Variants in MISFA observed in about 807,000 individuals in gnomAD.
The protein encoded by MISFA is mitochondrial sheath formation-associated protein.
At chr11:18,603,999 T>G in the MISFA span, 1 of 286,250 alleles carries the variant, frequency 3.5e-6, no homozygotes, top group East Asian at 5.2e-5. Flanking sequence ...CGATCTCGGC[T>G]CACTGCAAGC....
the MISFA span, among the ~76,000 whole-genome samples, chr11:18,604,584 G>A: frequency 6.6e-6 from 1 of 151,426 alleles, no homozygotes; most frequent in Non-Finnish European, 1.5e-5. Flanking sequence ...AGCTGAGATC[G>A]GCCACTGCAC....
At chr11:18,603,707 GC>G in the MISFA span, 3 of 398,718 alleles carry the variant, frequency 7.5e-6, no homozygotes, top group Non-Finnish European at 8.9e-6. Flanking sequence ...GAGGCCAAAT[GC>G]CTAAGCCCCC....
the MISFA span, among the ~76,000 whole-genome samples, chr11:18,600,266 C>T: frequency 5.3e-5 from 8 of 152,050 alleles, no homozygotes; most frequent in South Asian, 2.1e-4. Flanking sequence ...TGCAGTGGCG[C>T]GATCTCGGCT....
chr11:18,605,040 C>T, the MISFA span, among the ~76,000 whole-genome samples: 1,361 of 152,150 alleles, frequency 8.9e-3, 26 homozygotes, highest in African/African-American at 0.031. Context: ...GTCAGGAGTT[C>T]GAGACCCGCT....
At chr11:18,604,769 G>A in the MISFA span, among the ~76,000 whole-genome samples, 8 of 152,148 alleles carry the variant, frequency 5.3e-5, no homozygotes, top group Admixed American at 3.3e-4. Flanking sequence ...CTTACAAAAT[G>A]GCAAAAATGA....
the MISFA span, chr11:18,601,446 CTTTTTTTTT>C: frequency 2.7e-6 from 1 of 374,102 alleles, no homozygotes; most frequent in East Asian, 3.7e-5. Context: ...TAATAGCATT[CTTTTTTTTT>C]TTTTTTTTTC....
chr11:18,609,005 TCA>T, the MISFA span: 193 of 152,702 alleles, frequency 1.3e-3, no homozygotes, highest in African/African-American at 4.5e-3. Flanking sequence ...GGGGAGAGCC[TCA>T]CATGTTACTT....
At chr11:18,603,096 C>A in the MISFA span, 1 of 399,044 alleles carries the variant, frequency 2.5e-6, no homozygotes. Flanking sequence ...TTCGTGGGTA[C>A]ACCACCAGCT....
chr11:18,607,092 G>GTCTC, the MISFA span: 1 of 198,442 alleles, frequency 5.0e-6, no homozygotes. Context: ...CGAACTCCTG[G>GTCTC]TCTCAAGTGA....
the MISFA span, among the ~76,000 whole-genome samples, chr11:18,600,306 C>A: frequency 6.6e-6 from 1 of 151,634 alleles, no homozygotes; most frequent in Non-Finnish European, 1.5e-5. Flanking sequence ...CAGGCTCAAG[C>A]GATTCTCCTG....
the MISFA span, among the ~76,000 whole-genome samples, chr11:18,606,081 C>CA: frequency 2.6e-5 from 4 of 152,202 alleles, no homozygotes; most frequent in Non-Finnish European, 5.9e-5. Context: ...ACCATATACC[C>CA]AGCTGTGTCC....
the MISFA span, chr11:18,601,129 A>G: frequency 1.8e-5 from 7 of 398,600 alleles, no homozygotes; most frequent in Non-Finnish European, 3.1e-5. Flanking sequence ...TGGCCTGTTC[A>G]GGAGAGCAAA....
the MISFA span, among the ~76,000 whole-genome samples, chr11:18,603,486 C>G: frequency 6.6e-6 from 1 of 152,154 alleles, no homozygotes; most frequent in African/African-American, 2.4e-5. Flanking sequence ...TTCAGAAATC[C>G]AAACTTCTCT....
At chr11:18,607,629 A>AT in the MISFA span, 1 of 152,598 alleles carries the variant, frequency 6.6e-6, no homozygotes, top group African/African-American at 2.4e-5. Flanking sequence ...TGAGCTTTTT[A>AT]TAAGAGTGGT....
At chr11:18,600,097 C>G in the MISFA span, 3 of 398,226 alleles carry the variant, frequency 7.5e-6, no homozygotes, top group Admixed American at 8.8e-5. Context: ...TAGTTGAGGT[C>G]TCACCACTAA....
chr11:18,601,523 C>G, the MISFA span: 2 of 388,558 alleles, frequency 5.1e-6, no homozygotes, highest in Non-Finnish European at 9.0e-6. Flanking sequence ...GTCTTCCCAT[C>G]TCAGCTTCTT....
the MISFA span, among the ~76,000 whole-genome samples, chr11:18,605,903 C>T: frequency 6.6e-6 from 1 of 152,178 alleles, no homozygotes; most frequent in African/African-American, 2.4e-5. Context: ...GTCTCGAACT[C>T]CCAGCCTCAA....
the MISFA span, chr11:18,607,662 T>C: frequency 6.6e-6 from 1 of 152,456 alleles, no homozygotes. Flanking sequence ...AAAAACAACA[T>C]GGAAGACAGG....
chr11:18,601,732 C>T, the MISFA span: 1 of 390,010 alleles, frequency 2.6e-6, no homozygotes, highest in Non-Finnish European at 4.5e-6. Flanking sequence ...TTTAACGTCC[C>T]TTTTGGCAGA....
Sources: allele counts gnomAD v4.1 joint callset (sites outside exome capture counted in the v4.1 genomes callset), GRCh38; gene constraint gnomAD v4.1.1; transcripts MANE v1.5; gene names NCBI Gene and HGNC (gene_info 2026-07-23, HGNC 2026-07-21).